Variants in MGAM observed in about 807,000 individuals in gnomAD.
MGAM encodes the protein alpha-1,4-glucosidase.
MGAM carries 253 observed loss-of-function variants against 358.8 expected under a neutral mutation model. The observed-to-expected ratio is 0.71, with a 90% CI of 0.64 to 0.78. The LOEUF (loss-of-function observed/expected upper bound fraction) is 0.78, where lower values mean the gene tolerates loss of function less well. Ranked by LOEUF, MGAM falls within the 30% of genes least tolerant of loss-of-function variation. The probability of loss-of-function intolerance (pLI) is 0.00; values close to 1 mark genes in which losing one functional copy is unlikely to be tolerated. For missense variants in MGAM, 3,080 were observed against 3,432.6 expected (o/e 0.90, Z 2.57); for synonymous variants, 1,105 against 1,227.1 (o/e 0.90, Z 2.08).
rs113620704 is a variant in MGAM at position 142,058,541 on chromosome 7, A to G, written c.3819+213A>G. 1.8e-3 allele frequency among the ~76,000 whole-genome samples: 279 copies of G among 152,348 alleles called. 2 individuals are homozygous for G. The highest frequency in any genetic ancestry group is 6.3e-3 in the African/African-American group (261 of 41,582). ...AGCTCAAGACCCAGCATGACTCGCCAGAGTGGGAGATAGGCTGGCTCCAGG... is the reference window on the plus strand; with the variant it reads ...AGCTCAAGACCCAGCATGACTCGCCGGAGTGGGAGATAGGCTGGCTCCAGG... On this transcript the variant is annotated intron_variant, in intron 31 of 70. Coordinates refer to ENST00000475668, the MANE Select transcript of MGAM (RefSeq NM_001365693.1).
At chr7:142,065,313 C>A in intron 37 of MGAM, 22 bp from the exon 38 acceptor site, 1 of 1,601,062 alleles carries the variant, frequency 6.2e-7, no homozygotes, top group Non-Finnish European at 8.5e-7. Context: ...CCTCAGTTCA[C>A]CTCCTGTTCC....
At position 142,072,616 on chromosome 7, in the gene MGAM, C is replaced by T. The variant is rs573728251; in HGVS notation, c.5187-1469C>T. 2.5e-4 allele frequency among the ~76,000 whole-genome samples: 37 copies of T among 146,382 alleles called. 6 individuals carry two copies. The highest frequency in any genetic ancestry group is 5.0e-4 in the Non-Finnish European group (32 of 64,568). The stretch of plus-strand genomic sequence containing the variant: ...TTGTTAGTTCTTTGTTGCTGACTTT[C>T]CTTTATGTTGACTTATTACCTTGTG... On this transcript the variant is annotated intron_variant, in intron 44 of 70. Coordinates refer to ENST00000475668, the MANE Select transcript of MGAM (RefSeq NM_001365693.1).
At chr7:142,060,015 ACTGTT>A (rs1263858946) in intron 33 of MGAM, 49 bp downstream of exon 33, 1 of 626,832 alleles carries the variant, frequency 1.6e-6, no homozygotes, top group African/African-American at 2.3e-5. Context: ...AGGGTGGGTC[ACTGTT>A]GGTGGGTCAC....
chr7:142,082,180 G>A lies in MGAM; in HGVS notation c.6141G>A (p.Trp2047Ter), dbSNP rs1335224375. The A allele has an allele frequency of 2.6e-6, 4 of 1,554,952 alleles. 1 individual carries two copies. The African/African-American group carries it at 5.4e-5, about 21-fold the overall frequency. Residue 2047 changes from tryptophan to a stop codon, truncating the protein, a stop_gained, in exon 51 of 71, where the codon TGG (tryptophan) becomes TGA (stop). Transcript: ENST00000475668. LOFTEE classifies it high-confidence loss of function. ...SYRRDLEWHT[W>*]GMFSRDQPPG... ...GGAGAGACTTGGAGTGGCACACTTG[G>A]GGGATGTTCTCCCGAGACCAGCCCC...
intron 1 of MGAM, among the ~76,000 whole-genome samples, chr7:141,998,286 T>C (rs1316227365): frequency 6.6e-6 from 1 of 152,214 alleles, no homozygotes; most frequent in African/African-American, 2.4e-5. Context: ...ATGTGCAGAA[T>C]GTGCAGGTTC....
Position 142,030,378 on chromosome 7 carries a change from A to T in MGAM, c.1238A>T (p.Asp413Val), listed in dbSNP as rs1554462850. Reference sequence around the variant, plus strand: ...TTCTTTCAGGATGTTCAGCATGCTGATATTGATTATATGGATGAGAGAAGG... The same window carrying T: ...TTCTTTCAGGATGTTCAGCATGCTGTTATTGATTATATGGATGAGAGAAGG... ...AQLPYDVQHA[D>V]IDYMDERRDF... The change falls in exon 11 of 71, where the codon GAT becomes GTT. Residue 413 changes from aspartate (D) to valine (V), a missense_variant. By Grantham distance (152) the Asp-to-Val change is radical (BLOSUM62 -3). This residue lies in a region of MGAM where 1,816 missense variants were observed against 1,840.5 expected (regional missense o/e 0.99). Coordinates refer to ENST00000475668, the MANE Select transcript of MGAM (RefSeq NM_001365693.1). 1.2e-6 allele frequency: 2 copies of T among 1,613,078 alleles called. No individual in the cohort carries two copies. Among genetic ancestry groups the T allele is most frequent in the African/African-American group, 2.7e-5 (2 of 74,866 alleles).
chr7:142,102,708 A>G, intron 69 of MGAM, 29 bp downstream of exon 69: 2 of 1,605,164 alleles, frequency 1.2e-6, no homozygotes, highest in Non-Finnish European at 1.7e-6. Flanking sequence ...AAGTGAGAAT[A>G]GGGTTCCACT....
intron 65 of MGAM, among the ~76,000 whole-genome samples, chr7:142,096,840 G>T (rs567958384): frequency 6.6e-6 from 1 of 152,184 alleles, no homozygotes; most frequent in South Asian, 2.1e-4. Context: ...CTCTGCAGGA[G>T]CTCCTCCCAG....
chr7:142,035,639 G>C (rs1554465518), intron 16 of MGAM, among the ~76,000 whole-genome samples: 1 of 152,038 alleles, frequency 6.6e-6, no homozygotes, highest in Non-Finnish European at 1.5e-5. Context: ...AGTATAAGGG[G>C]GATTATTTGA....
intron 3 of MGAM, among the ~76,000 whole-genome samples, chr7:142,010,434 C>T (rs552954692): frequency 6.6e-6 from 1 of 152,168 alleles, no homozygotes; most frequent in Non-Finnish European, 1.5e-5. Context: ...ACAGAAACAG[C>T]AGAACTTCTG....
chr7:142,016,063 T>G (rs1584920038), intron 3 of MGAM, among the ~76,000 whole-genome samples: 2 of 152,344 alleles, frequency 1.3e-5, no homozygotes, highest in East Asian at 3.9e-4. Context: ...GCTTTTGCAT[T>G]TATGTTCATG....
At chr7:142,094,000 G>A (rs1563220458) in intron 60 of MGAM, among the ~76,000 whole-genome samples, 1 of 146,072 alleles carries the variant, frequency 6.8e-6, no homozygotes, top group Non-Finnish European at 1.6e-5. Flanking sequence ...GTCCTGCTTT[G>A]TAAGCTCAAT....
chr7:142,052,975 G>A lies in MGAM; in HGVS notation c.3150G>A (p.Leu1050=), dbSNP rs2960742. The change falls in exon 26 of 71, where the codon CTG becomes CTA. Residue 1050 remains leucine (L), a synonymous_variant. Transcript: ENST00000475668. ...TCACTTACCATAAGAATGAAATGCT[G>A]CAGTTCAAGGTAAACACAGTACATG... ...LDVTYHKNEM[L]QFKIYDPNKN... The A allele has an allele frequency of 4.5e-4, 720 of 1,613,730 alleles. 5 individuals carry two copies. The African/African-American group carries it at 8.1e-3, about 18-fold the overall frequency.
intron 70 of MGAM, 78 bp from the exon 71 acceptor site, chr7:142,105,736 G>A (rs1816807883): frequency 9.3e-7 from 1 of 1,080,300 alleles, no homozygotes; most frequent in Non-Finnish European, 1.4e-6. Flanking sequence ...ATTTGGACTG[G>A]ATACTTGCAC....
intron 42 of MGAM, among the ~76,000 whole-genome samples, chr7:142,067,978 A>T (rs1474694941): frequency 3.8e-4 from 2 of 5,290 alleles, no homozygotes; most frequent in Non-Finnish European, 7.8e-4. Context: ...ATATATATAT[A>T]TATATATATT....
At chr7:142,040,880 A>G in intron 21 of MGAM, 34 bp downstream of exon 21, 1 of 1,577,994 alleles carries the variant, frequency 6.3e-7, no homozygotes. Context: ...TTCAGAATTC[A>G]TGTCCTTGCT....
chr7:142,025,228 G>A, intron 8 of MGAM, 79 bp downstream of exon 8: 1 of 1,116,120 alleles, frequency 9.0e-7, no homozygotes, highest in African/African-American at 1.5e-5. Context: ...TAAAAGGAAT[G>A]GATCCCTTTA....
In MGAM at chr7:142,090,376, C is replaced by G. The variant is rs757038391; in HGVS notation, c.6811-1537C>G. Among the ~76,000 whole-genome samples the G allele has an allele frequency of 2.8e-5, 4 of 145,300 alleles. 1 individual carries two copies. Among genetic ancestry groups the G allele is most frequent in the Non-Finnish European group, 6.2e-5 (4 of 64,214 alleles). On this transcript the variant is annotated intron_variant, in intron 57 of 70. Transcript: ENST00000475668. Reference sequence around the variant, plus strand: ...CCATCCCCCACCCATCCCGTCGTTTCTAACCCTTCCTGATCTGGAGCTCTC... The same window carrying G: ...CCATCCCCCACCCATCCCGTCGTTTGTAACCCTTCCTGATCTGGAGCTCTC...
In MGAM at chr7:142,052,824, A is replaced by G. The variant is rs1374252643; in HGVS notation, c.2999A>G (p.Asn1000Ser). Residue 1000 changes from asparagine to serine, a missense_variant, in exon 26 of 71, where the codon AAC becomes AGC. By Grantham distance (46) the Asn-to-Ser change is conservative. Around this residue, in one of 5 missense-constraint regions of MGAM, gnomAD observed 1,816 missense variants for 1,840.5 expected, o/e 0.99. Transcript: ENST00000475668. ...SSGVPFCYFVNDLYSVSDVQY... is the reference protein window; with the variant it reads ...SSGVPFCYFVSDLYSVSDVQY... ...GGAGTCCCTTTTTGCTATTTTGTCA[A>G]CGACCTATACTCTGTCAGTGATGTT... The G allele has an allele frequency of 1.2e-6, 2 of 1,613,852 alleles. No individual in the cohort carries two copies. Among genetic ancestry groups the G allele is most frequent in the Non-Finnish European group, 1.7e-6 (2 of 1,179,840 alleles).
Sources: allele counts gnomAD v4.1 joint callset (sites outside exome capture counted in the v4.1 genomes callset), GRCh38; gene constraint gnomAD v4.1.1; regional missense constraint gnomAD v4.1.1; transcripts MANE v1.5; gene names NCBI Gene and HGNC (gene_info 2026-07-23, HGNC 2026-07-21).